Variants in ZFPM1 observed in about 807,000 individuals in gnomAD.
The protein encoded by ZFPM1 is zinc finger protein, FOG family member 1.
A neutral mutation model predicts 46.3 loss-of-function variants in ZFPM1; 28 were observed. The observed-to-expected ratio is 0.60, with a 90% CI of 0.45 to 0.83. The LOEUF is 0.83. ZFPM1 is among the 40% of genes least tolerant of loss of function. The pLI is 0.00. For missense variants in ZFPM1, 1,878 were observed against 1,432.4 expected, an observed-to-expected ratio of 1.31 and a Z score of -5.02; for synonymous variants, 957 against 675.9, an observed-to-expected ratio of 1.42 and a Z score of -6.45.
intron 4 of ZFPM1, among the ~76,000 whole-genome samples, chr16:88,517,125 G>C (rs1911350731): frequency 6.6e-6 from 1 of 151,908 alleles, no homozygotes; most frequent in South Asian, 2.1e-4. Flanking sequence ...AGAATTTATA[G>C]TCAGATACAG....
intron 3 of ZFPM1, among the ~76,000 whole-genome samples, chr16:88,500,982 T>C (rs576591998): frequency 1.3e-5 from 2 of 152,088 alleles, no homozygotes; most frequent in South Asian, 2.1e-4. Context: ...TCTCTAAGGC[T>C]GGCCCCTCCC....
In ZFPM1 at chr16:88,453,700, G is replaced by T. The variant is rs775166105; in HGVS notation, c.40+22G>T. 90 of 1,190,640 alleles carry T rather than the reference G, an allele frequency of 7.6e-5. 1 individual carries two copies. Among genetic ancestry groups the T allele is most frequent in the Admixed American group, 3.1e-5 (1 of 32,526 alleles). 73.8% of individuals were successfully genotyped at this position (1,190,640 alleles called of 1,614,324 possible). ...AAGCGTGAGTCAAACTTTGCCCGCGGTCCCCTCCGCGCGCCCGACCCCCGC... is the reference window on the plus strand; with the variant it reads ...AAGCGTGAGTCAAACTTTGCCCGCGTTCCCCTCCGCGCGCCCGACCCCCGC... On this transcript the variant is annotated intron_variant, in intron 1 of 9. Transcript: ENST00000319555.
At chr16:88,452,478 G>A (rs1907318585), upstream of ZFPM1, among the ~76,000 whole-genome samples, 1 of 152,234 alleles carries the variant, frequency 6.6e-6, no homozygotes, top group South Asian at 2.1e-4. Flanking sequence ...GCCGGCTCCC[G>A]CGCCCCCTCC....
At chr16:88,503,936 CAT>C (rs2142407012) in intron 3 of ZFPM1, among the ~76,000 whole-genome samples, 1 of 138,314 alleles carries the variant, frequency 7.2e-6, no homozygotes. Context: ...GGGACTTTTC[CAT>C]TCTTGGGGGT....
intron 1 of ZFPM1, among the ~76,000 whole-genome samples, chr16:88,474,499 C>G (rs906290733): frequency 6.6e-6 from 1 of 152,186 alleles, no homozygotes. Flanking sequence ...CCCCAGCTCC[C>G]TCCAAAGCCT....
chr16:88,460,478 C>T (rs1907767697), intron 1 of ZFPM1, among the ~76,000 whole-genome samples: 1 of 152,188 alleles, frequency 6.6e-6, no homozygotes, highest in African/African-American at 2.4e-5. Context: ...ATGAAAAGGT[C>T]CTAAGGGGCC....
At chr16:88,473,261 T>A (rs893941292) in intron 1 of ZFPM1, among the ~76,000 whole-genome samples, 1 of 152,202 alleles carries the variant, frequency 6.6e-6, no homozygotes, top group African/African-American at 2.4e-5. Flanking sequence ...GATGGCCCAC[T>A]TGGAAGAGGA....
At chr16:88,532,527 C>A in intron 7 of ZFPM1, 87 bp from the exon 8 acceptor site, 1 of 1,367,602 alleles carries the variant, frequency 7.3e-7, no homozygotes, top group African/African-American at 1.4e-5. Context: ...GCACAGATCA[C>A]GGCCCTGGGC....
intron 3 of ZFPM1, among the ~76,000 whole-genome samples, chr16:88,508,312 AAAG>A (rs1002347270): frequency 1.3e-5 from 2 of 152,118 alleles, no homozygotes; most frequent in Admixed American, 6.5e-5. Context: ...AAAAGAAAGA[AAAG>A]AAGTTGTTGG....
chr16:88,453,730 G>T, intron 1 of ZFPM1, 52 bp downstream of exon 1: 11 of 1,113,482 alleles, frequency 9.9e-6, no homozygotes, highest in Non-Finnish European at 1.2e-5. Context: ...CCCCGCCGGA[G>T]CCCAGCCGCC....
chr16:88,488,227 T>G (rs1346339516), intron 2 of ZFPM1, among the ~76,000 whole-genome samples: 1 of 151,754 alleles, frequency 6.6e-6, no homozygotes, highest in African/African-American at 2.4e-5. Flanking sequence ...GAGGTGGACT[T>G]TGACCCGGGC....
rs912397357 is a variant in ZFPM1, at chr16:88,480,223, C to T, written c.41-5716C>T. Among the ~76,000 whole-genome samples the T allele has an allele frequency of 3.9e-5, 6 of 152,110 alleles. No homozygotes were observed. Among genetic ancestry groups the T allele is most frequent in the Non-Finnish European group, 8.8e-5 (6 of 68,016 alleles). On this transcript the variant is annotated intron_variant, in intron 1 of 9. Transcript: ENST00000319555. This position sits in a 1 kb window ranked among gnomAD's most constrained non-coding sequence, Gnocchi z 4.9. ...TTGCTACTTCCTCCAGGAAGCCTTC[C>T]TGGATGGCACCTCTGACTCTTTCCT...
intron 1 of ZFPM1, among the ~76,000 whole-genome samples, chr16:88,474,117 C>T (rs1443603684): frequency 1.3e-5 from 2 of 152,210 alleles, no homozygotes; most frequent in African/African-American, 2.4e-5. Context: ...TGGCAGGCGG[C>T]GGCTCCGGCT....
intron 1 of ZFPM1, among the ~76,000 whole-genome samples, chr16:88,477,980 A>G (rs1908759521): frequency 1.4e-5 from 2 of 146,628 alleles, no homozygotes; most frequent in African/African-American, 2.5e-5. Flanking sequence ...GAGAACAGGG[A>G]GAACAGACCT....
chr16:88,461,669 G>T (rs904186671), intron 1 of ZFPM1, among the ~76,000 whole-genome samples: 1 of 152,148 alleles, frequency 6.6e-6, no homozygotes, highest in African/African-American at 2.4e-5. Flanking sequence ...CAAAAGCCCT[G>T]AGGGTTGGAC....
At chr16:88,475,655 C>T (rs938817402) in intron 1 of ZFPM1, among the ~76,000 whole-genome samples, 3 of 152,204 alleles carry the variant, frequency 2.0e-5, no homozygotes, top group African/African-American at 7.2e-5. Context: ...GAAAAGGGTG[C>T]AGGCAGGCTG....
At chr16:88,467,844 CT>C (rs1908208543) in intron 1 of ZFPM1, among the ~76,000 whole-genome samples, 1 of 152,150 alleles carries the variant, frequency 6.6e-6, no homozygotes, top group African/African-American at 2.4e-5. Context: ...GAAAAGAGAA[CT>C]TGATAAAAAA....
At chr16:88,491,311 G>A (rs557245115) in intron 3 of ZFPM1, among the ~76,000 whole-genome samples, 7 of 152,310 alleles carry the variant, frequency 4.6e-5, no homozygotes, top group Admixed American at 2.6e-4. Context: ...CACTCTATCA[G>A]TGGAGACCAC....
intron 3 of ZFPM1, among the ~76,000 whole-genome samples, chr16:88,505,257 C>T (rs1383239244): frequency 2.6e-5 from 4 of 152,218 alleles, no homozygotes; most frequent in African/African-American, 9.6e-5. Flanking sequence ...CCTGCTGCTC[C>T]TTACTGCCCG....
Sources: allele counts gnomAD v4.1 joint callset (sites outside exome capture counted in the v4.1 genomes callset), GRCh38; gene constraint gnomAD v4.1.1; non-coding constraint Gnocchi (gnomAD v3.1); transcripts MANE v1.5; gene names NCBI Gene and HGNC (gene_info 2026-07-23, HGNC 2026-07-21).